Variants in DRC3 observed in about 807,000 individuals in gnomAD.
DRC3 encodes dynein regulatory complex subunit 3.
Under a neutral mutation model 57.6 loss-of-function variants are expected in DRC3, and 45 were observed. The ratio of observed to expected loss-of-function variants is 0.78; its 90% CI spans 0.62 to 1.00. The LOEUF is 1.00. DRC3 is among the 50% of genes least tolerant of loss of function. DRC3 has a pLI of 0.00. For synonymous variants in DRC3, 257 were observed against 272.3 expected, an observed-to-expected ratio of 0.94 and a Z score of 0.55; for missense variants, 655 against 675.2, an observed-to-expected ratio of 0.97 and a Z score of 0.33.
rs1210874008 is a variant in DRC3, at chr17:17,987,977, T to C, written c.323T>C (p.Leu108Pro). 1 of 1,614,002 alleles carries C rather than the reference T, an allele frequency of 6.2e-7. No individual in the cohort carries two copies. The highest frequency in any genetic ancestry group is 1.1e-5 in the South Asian group (1 of 91,090). The change falls in exon 5 of 14, where the codon CTG (leucine) becomes CCG (proline). Residue 108 changes from leucine (L) to proline (P), a missense_variant. Transcript: ENST00000399187. ...NIETIEGLDT[L>P]VNLEDLSLFN... ...GAGACCATCGAGGGGCTGGACACAC[T>C]GGTGAACCTGGAGGACCTGAGCTTG...
At chr17:17,997,720 A>C in intron 9 of DRC3, 86 bp downstream of exon 9, 1 of 1,252,490 alleles carries the variant, frequency 8.0e-7, no homozygotes, top group East Asian at 2.6e-5. Context: ...GGGGACTGCA[A>C]CTCCTGTACC....
intron 7 of DRC3, among the ~76,000 whole-genome samples, chr17:17,994,633 G>A (rs916022042): frequency 5.9e-5 from 9 of 152,176 alleles, no homozygotes; most frequent in African/African-American, 2.2e-4. Flanking sequence ...ACTCCTTACT[G>A]GCATTCCTGC....
At chr17:17,991,046 G>A (rs1163794493) in intron 5 of DRC3, among the ~76,000 whole-genome samples, 1 of 152,108 alleles carries the variant, frequency 6.6e-6, no homozygotes, top group Admixed American at 6.5e-5. Context: ...CCTAAAATAT[G>A]TGCTCTTGCC....
At chr17:17,986,466 C>CTTTT (rs35727404) in intron 4 of DRC3, among the ~76,000 whole-genome samples, 2 of 133,262 alleles carry the variant, frequency 1.5e-5, no homozygotes, top group South Asian at 2.3e-4. Flanking sequence ...CCCAAATCAC[C>CTTTT]TTTTTTTTTT....
At chr17:17,994,226 A>C in intron 6 of DRC3, 73 bp from the exon 7 acceptor site, 2 of 1,534,048 alleles carry the variant, frequency 1.3e-6, no homozygotes, top group African/African-American at 2.7e-5. Context: ...GCAGCATGGC[A>C]GAGGCGGCAT....
At position 18,016,164 on chromosome 17, in the gene DRC3, T is replaced by G. The variant is rs371092039; in HGVS notation, c.1427T>G (p.Ile476Ser). The change falls in exon 13 of 14, where the codon ATC (isoleucine) becomes AGC (serine). Residue 476 changes from isoleucine (I) to serine (S), a missense_variant. By Grantham distance (142) the Ile-to-Ser change is moderately radical. Transcript: ENST00000399187. Reference protein sequence around the residue: ...DNREDELVTRINSWCTRLIDR... With the variant: ...DNREDELVTRSNSWCTRLIDR... ...CGAGAAGATGAGCTGGTGACCAGAA[T>G]CAACTCTTGGTGTACACGTTTAATA... 4.3e-6 allele frequency: 7 copies of G among 1,613,902 alleles called. No individual in the cohort carries two copies. The highest frequency in any genetic ancestry group is 1.3e-5 in the African/African-American group (1 of 74,916).
chr17:17,981,363 G>T, intron 3 of DRC3: 1 of 205,060 alleles, frequency 4.9e-6, no homozygotes. Context: ...CATTGGCAGG[G>T]TACCAAGTGA....
At chr17:18,007,363 C>A in intron 12 of DRC3, 1 of 1,547,114 alleles carries the variant, frequency 6.5e-7, no homozygotes, top group Non-Finnish European at 8.7e-7. Context: ...TAAAGAGGAG[C>A]TCATGATAAT....
chr17:18,000,538 G>GT (rs1447044234), intron 9 of DRC3, among the ~76,000 whole-genome samples: 1 of 152,182 alleles, frequency 6.6e-6, no homozygotes, highest in African/African-American at 2.4e-5. Flanking sequence ...GGACAGTTAG[G>GT]TTTTTTCCCA....
At chr17:18,002,730 G>C (rs538869714) in intron 9 of DRC3, among the ~76,000 whole-genome samples, 1 of 152,276 alleles carries the variant, frequency 6.6e-6, no homozygotes, top group African/African-American at 2.4e-5. Flanking sequence ...AGGCAGAGAT[G>C]CTTCTCCCCA....
intron 4 of DRC3, among the ~76,000 whole-genome samples, chr17:17,987,346 A>G (rs1462776114): frequency 6.6e-6 from 1 of 152,030 alleles, no homozygotes; most frequent in Non-Finnish European, 1.5e-5. Context: ...GACCTGCCAC[A>G]TGTCCAGGGA....
rs562396979 is a variant in DRC3, at chr17:17,980,462, T to C, written c.160+2704T>C. On this transcript the variant is annotated intron_variant, in intron 3 of 13. Transcript: ENST00000399187. ...GGCATATGCGGCCACGCCTGGCTAA[T>C]TTTTTTTATTTTAGTAGAGATGGGG... is the stretch of plus-strand genomic sequence containing the variant. Among the ~76,000 whole-genome samples, 225 of 151,988 alleles carry C rather than the reference T, an allele frequency of 1.5e-3. 1 individual carries two copies. Among genetic ancestry groups the C allele is most frequent in the African/African-American group, 5.1e-3 (213 of 41,432 alleles).
At chr17:17,984,073 G>T in intron 4 of DRC3, 129 bp downstream of exon 4, 1 of 614,386 alleles carries the variant, frequency 1.6e-6, no homozygotes. Flanking sequence ...GGGTACGGCA[G>T]AAGCTCTGCC....
intron 2 of DRC3, among the ~76,000 whole-genome samples, chr17:17,976,338 C>T (rs2042386102): frequency 1.3e-5 from 2 of 152,204 alleles, no homozygotes; most frequent in Admixed American, 6.5e-5. Context: ...TACAGATCCC[C>T]CCTGTGCTGT....
intron 5 of DRC3, chr17:17,989,656 T>G (rs1388420944): frequency 6.6e-6 from 1 of 152,252 alleles, no homozygotes; most frequent in Admixed American, 6.5e-5. Flanking sequence ...CTGCTGCAGG[T>G]GACGAGGGAG....
chr17:17,974,623 T>C (rs2042301530), intron 2 of DRC3, among the ~76,000 whole-genome samples: 1 of 152,180 alleles, frequency 6.6e-6, no homozygotes, highest in Non-Finnish European at 1.5e-5. Context: ...CAAACTTGCA[T>C]CACTTCAGCC....
chr17:17,981,273 C>T, intron 3 of DRC3: 1 of 269,378 alleles, frequency 3.7e-6, no homozygotes, highest in South Asian at 5.0e-5. Context: ...GGATGATGGC[C>T]AGGAGGATTC....
intron 4 of DRC3, among the ~76,000 whole-genome samples, chr17:17,985,195 C>T (rs918997774): frequency 1.4e-4 from 22 of 152,224 alleles, no homozygotes; most frequent in African/African-American, 5.3e-4. Context: ...AGAGAGAAAC[C>T]TGAATACTGG....
rs750348420 is a variant in DRC3, at chr17:18,000,267, T to TGC, written c.999+2634_999+2635dup. Among the ~76,000 whole-genome samples, 56 of 147,096 alleles carry TGC rather than the reference T, an allele frequency of 3.8e-4. 1 individual carries two copies. Among genetic ancestry groups the TGC allele is most frequent in the Admixed American group, 3.1e-3 (45 of 14,722 alleles). On this transcript the variant is annotated intron_variant, in intron 9 of 13. Coordinates refer to ENST00000399187, the MANE Select transcript of DRC3 (RefSeq NM_031294.4). ...ACGTGAGTGTGTGTGTGTGTGTGTG[T>TGC]GCATAGCATGCCTTGCTCTGTACTT...
Sources: allele counts gnomAD v4.1 joint callset (sites outside exome capture counted in the v4.1 genomes callset), GRCh38; gene constraint gnomAD v4.1.1; transcripts MANE v1.5; gene names NCBI Gene and HGNC (gene_info 2026-07-23, HGNC 2026-07-21).